GIMAP8: variants seen among roughly 807,000 people sequenced by gnomAD.
GIMAP8 encodes GTPase, IMAP family member 8.
Under a neutral mutation model 35.6 loss-of-function variants are expected in GIMAP8, and 29 were observed. The ratio of observed to expected loss-of-function variants is 0.81; its 90% confidence interval spans 0.61 to 1.11. The LOEUF (loss-of-function observed/expected upper bound fraction) is 1.11. Ranked by LOEUF, GIMAP8 falls within the 50% of genes most tolerant of loss-of-function variation. GIMAP8 has a pLI of 0.00. For missense variants in GIMAP8, 811 were observed against 805.0 expected (o/e 1.01, Z -0.09); for synonymous variants, 335 against 308.7 (o/e 1.09, Z -0.89).
intron 1 of GIMAP8, among the ~76,000 whole-genome samples, chr7:150,453,505 C>T (rs1361523931): frequency 6.6e-6 from 1 of 152,214 alleles, no homozygotes; most frequent in Non-Finnish European, 1.5e-5. Flanking sequence ...CCCCTGAGTG[C>T]CACAGACCCC....
At chr7:150,477,066 G>C in intron 4 of GIMAP8, 26 bp from the exon 5 acceptor site, 1 of 1,572,770 alleles carries the variant, frequency 6.4e-7, no homozygotes, top group Non-Finnish European at 8.7e-7. Context: ...CCATGGTCAC[G>C]AATCTTTCCC....
In GIMAP8 at chr7:150,467,335, G is replaced by A; in HGVS notation, c.636+1G>A. 6.2e-7 allele frequency: 1 copy of A among 1,606,444 alleles called. No individual in the cohort carries two copies. Among genetic ancestry groups the A allele is most frequent in the Non-Finnish European group, 8.5e-7 (1 of 1,175,036 alleles). On this transcript the variant is annotated splice_donor_variant, in intron 2 of 4. Transcript: ENST00000307271. LOFTEE classifies it high-confidence loss of function. ...CAAAACTGAAGGCAGCAGGTTTCAA[G>A]TAAGAATTTTGTTAATATCTTGAAA...
At chr7:150,463,898 G>T (rs1801895184) in intron 1 of GIMAP8, among the ~76,000 whole-genome samples, 1 of 152,132 alleles carries the variant, frequency 6.6e-6, no homozygotes, top group South Asian at 2.1e-4. Context: ...CCAGTCTTTG[G>T]GCCCCTGGAT....
chr7:150,455,978 C>A (rs1315782531), intron 1 of GIMAP8, among the ~76,000 whole-genome samples: 1 of 152,178 alleles, frequency 6.6e-6, no homozygotes, highest in Non-Finnish European at 1.5e-5. Context: ...TTGCCCCATA[C>A]TATCTGCCAC....
intron 1 of GIMAP8, among the ~76,000 whole-genome samples, chr7:150,460,545 C>G (rs1445847441): frequency 6.6e-6 from 1 of 152,202 alleles, no homozygotes; most frequent in Non-Finnish European, 1.5e-5. Flanking sequence ...GAGGATTTTC[C>G]TTGACTACTG....
intron 1 of GIMAP8, among the ~76,000 whole-genome samples, chr7:150,452,424 T>C (rs1801627132): frequency 6.6e-6 from 1 of 151,856 alleles, no homozygotes. Context: ...CATGCAAGGC[T>C]GTGTCGCTTA....
rs1016318577 is a variant in GIMAP8, at chr7:150,474,099, G to A, written c.770G>A (p.Gly257Asp). 6.2e-7 allele frequency: 1 copy of A among 1,614,216 alleles called. No individual in the cohort carries two copies. Among genetic ancestry groups the A allele is most frequent in the Non-Finnish European group, 8.5e-7 (1 of 1,180,034 alleles). The change falls in exon 4 of 5, where the codon GGT becomes GAT. Residue 257 changes from glycine to aspartate, a missense_variant. By Grantham distance (94) the Gly-to-Asp change is moderately conservative. Coordinates refer to ENST00000307271, the MANE Select transcript of GIMAP8 (RefSeq NM_175571.4). ...ELTVLLVGKR[G>D]AGKSAAGNSI... ...ACAGTCCTCCTTGTGGGGAAACGCGGTGCTGGAAAAAGTGCAGCAGGAAAC... is the reference window on the plus strand; with the variant it reads ...ACAGTCCTCCTTGTGGGGAAACGCGATGCTGGAAAAAGTGCAGCAGGAAAC...
chr7:150,470,578 A>C (rs747999204), intron 2 of GIMAP8, among the ~76,000 whole-genome samples: 5 of 151,940 alleles, frequency 3.3e-5, no homozygotes, highest in Non-Finnish European at 7.4e-5. Context: ...AGGGAAGGAG[A>C]CGTTGGAAAC....
chr7:150,470,618 G>A (rs1040343850), intron 2 of GIMAP8, among the ~76,000 whole-genome samples: 1 of 152,072 alleles, frequency 6.6e-6, no homozygotes, highest in East Asian at 1.9e-4. Flanking sequence ...AGTCCTAGCA[G>A]CATCAGGGGA....
intron 2 of GIMAP8, among the ~76,000 whole-genome samples, chr7:150,469,158 C>T (rs1802035505): frequency 6.6e-6 from 1 of 152,206 alleles, no homozygotes; most frequent in African/African-American, 2.4e-5. Flanking sequence ...GCTGGCCTTC[C>T]TGTTTGCCCC....
At chr7:150,470,505 C>T (rs543293851) in intron 2 of GIMAP8, among the ~76,000 whole-genome samples, 1 of 152,134 alleles carries the variant, frequency 6.6e-6, no homozygotes, top group South Asian at 2.1e-4. Flanking sequence ...AACGGGATTC[C>T]AAATTATATT....
In GIMAP8 at chr7:150,474,562, G is replaced by A. The variant is rs1164859064; in HGVS notation, c.1233G>A (p.Gln411=). The part of the protein sequence containing the change: ...YRATGEEEQR[Q]ADELLEKIES... ...CAACAGGAGAAGAAGAGCAAAGGCA[G>A]GCGGACGAGCTCCTGGAAAAAATTG... Residue 411 remains glutamine (Q), a synonymous_variant, in exon 4 of 5, where the codon CAG becomes CAA. Coordinates refer to ENST00000307271, the MANE Select transcript of GIMAP8 (RefSeq NM_175571.4). 5 of 1,613,670 alleles carry A rather than the reference G, an allele frequency of 3.1e-6. No individual in the cohort carries two copies. In the South Asian group the frequency reaches 5.5e-5, roughly 18 times the overall value.
chr7:150,475,946 GA>G lies in GIMAP8; in HGVS notation c.1310-1145del, dbSNP rs140221668. 2.1e-3 allele frequency among the ~76,000 whole-genome samples: 326 copies of G among 152,302 alleles called. 1 individual carries two copies. Among genetic ancestry groups the G allele is most frequent in the African/African-American group, 7.6e-3 (315 of 41,558 alleles). ...GAGATGGGGGTTCACAGCTCTAAAG[GA>G]CATCTTCCAAGAACATTGAAGATTA... On this transcript the variant is annotated intron_variant, in intron 4 of 4. Transcript: ENST00000307271.
intron 2 of GIMAP8, among the ~76,000 whole-genome samples, chr7:150,470,149 G>T (rs778183037): frequency 6.6e-6 from 1 of 152,158 alleles, no homozygotes; most frequent in Non-Finnish European, 1.5e-5. Context: ...GGCTATGTAA[G>T]GTTAAAGAAA....
At chr7:150,467,998 T>C (rs1398721990) in intron 2 of GIMAP8, among the ~76,000 whole-genome samples, 1 of 152,218 alleles carries the variant, frequency 6.6e-6, no homozygotes, top group Non-Finnish European at 1.5e-5. Flanking sequence ...TTCTCCTTCA[T>C]GCTTCAGAAA....
In GIMAP8 at chr7:150,477,993, T is replaced by C. The variant is rs766789556; in HGVS notation, c.*213T>C. 102 of 542,104 alleles carry C rather than the reference T, an allele frequency of 1.9e-4. 1 individual carries two copies. Among genetic ancestry groups the C allele is most frequent in the Non-Finnish European group, 3.0e-4 (91 of 307,416 alleles). The allele number at this position is 542,104 out of a possible 1,614,324, so 33.6% of individuals were successfully genotyped here. A position where few individuals can be genotyped will look rare whatever the true frequency, so the allele number is the denominator to read the frequency against. On this transcript the variant is annotated 3_prime_UTR_variant, in exon 5 of 5. Coordinates refer to ENST00000307271, the MANE Select transcript of GIMAP8 (RefSeq NM_175571.4). ...AGGGTATTATAAAGGAGAAAGAAGATACAAGGTGGGGAAATCTGGAAAAAG... is the reference window on the plus strand; with the variant it reads ...AGGGTATTATAAAGGAGAAAGAAGACACAAGGTGGGGAAATCTGGAAAAAG...
intron 2 of GIMAP8, among the ~76,000 whole-genome samples, chr7:150,470,335 T>A (rs1802059167): frequency 6.6e-6 from 1 of 152,188 alleles, no homozygotes; most frequent in Admixed American, 6.5e-5. Context: ...AGCAGGTTCA[T>A]CAAGATTGCA....
Position 150,472,404 on chromosome 7 carries a change from G to A in GIMAP8, c.682+1530G>A, listed in dbSNP as rs562472596. Among the ~76,000 whole-genome samples the A allele has an allele frequency of 3.9e-5, 6 of 152,284 alleles. No homozygotes were observed. The highest frequency in any genetic ancestry group is 7.2e-5 in the African/African-American group (3 of 41,538). ...TATTTAGCCAGTGCAGGGGATGTTC[G>A]GGCAATGCTGTTGTTTTTGTGTGCT... On this transcript the variant is annotated intron_variant, in intron 3 of 4. Transcript: ENST00000307271. The surrounding 1 kb of genome is among the most constrained non-coding windows in gnomAD (Gnocchi z 4.1).
At chr7:150,470,027 A>G (rs2116609363) in intron 2 of GIMAP8, among the ~76,000 whole-genome samples, 1 of 152,364 alleles carries the variant, frequency 6.6e-6, no homozygotes. Context: ...ACCAGTTAAC[A>G]ACTGTTACTT....
Sources: allele counts gnomAD v4.1 joint callset (sites outside exome capture counted in the v4.1 genomes callset), GRCh38; gene constraint gnomAD v4.1.1; non-coding constraint Gnocchi (gnomAD v3.1); transcripts MANE v1.5; gene names NCBI Gene and HGNC (gene_info 2026-07-23, HGNC 2026-07-21).